MSRB3: variants seen among roughly 807,000 people sequenced by gnomAD.
MSRB3 encodes methionine sulfoxide reductase B3.
Under a neutral mutation model 21.0 loss-of-function variants are expected in MSRB3, and 13 were observed. The observed-to-expected ratio is 0.62, with a 90% CI of 0.40 to 0.98. The LOEUF (loss-of-function observed/expected upper bound fraction) is 0.98, where lower values mean the gene tolerates loss of function less well. Among genes scored for constraint, MSRB3 ranks in the 50% least tolerant of loss-of-function variants. The pLI, the probability that MSRB3 is intolerant of heterozygous loss-of-function variation, is 0.00. For missense variants in MSRB3, 199 were observed against 230.3 expected (o/e 0.86, Z 0.88); for synonymous variants, 87 against 88.6 (o/e 0.98, Z 0.10).
chr12:65,360,053 C>T (rs1028277688), intron 4 of MSRB3, among the ~76,000 whole-genome samples: 103 of 152,104 alleles, frequency 6.8e-4, no homozygotes, highest in African/African-American at 2.3e-3. Context: ...TATCTTCTCC[C>T]TGTGTCTTCC....
chr12:65,383,302 G>A (rs2136562744), intron 5 of MSRB3, among the ~76,000 whole-genome samples: 1 of 152,276 alleles, frequency 6.6e-6, no homozygotes, highest in Non-Finnish European at 1.5e-5. Flanking sequence ...TTAGTGCCTA[G>A]CAGAAATAAC....
At chr12:65,454,627 G>A (rs1005063827) in intron 6 of MSRB3, among the ~76,000 whole-genome samples, 2 of 152,220 alleles carry the variant, frequency 1.3e-5, no homozygotes, top group Admixed American at 1.3e-4. Flanking sequence ...GCTGTAGGAA[G>A]TGAAAGTTCA....
At chr12:65,385,206 G>T (rs1340842255) in intron 5 of MSRB3, among the ~76,000 whole-genome samples, 1 of 152,092 alleles carries the variant, frequency 6.6e-6, no homozygotes, top group Admixed American at 6.5e-5. Context: ...TTTGGTGGGA[G>T]AAGGAGGAGG....
chr12:65,356,515 A>G (rs1877393978), intron 4 of MSRB3, among the ~76,000 whole-genome samples: 2 of 151,890 alleles, frequency 1.3e-5, no homozygotes, highest in Non-Finnish European at 2.9e-5. Context: ...ATTTGGTTAC[A>G]TGAGTAAGTT....
intron 4 of MSRB3, among the ~76,000 whole-genome samples, chr12:65,343,083 C>G (rs1876250130): frequency 6.6e-6 from 1 of 152,014 alleles, no homozygotes; most frequent in Admixed American, 6.6e-5. Context: ...AAACACTGAA[C>G]AATTTATTTT....
At chr12:65,350,446 A>G (rs913557614) in intron 4 of MSRB3, among the ~76,000 whole-genome samples, 5 of 151,666 alleles carry the variant, frequency 3.3e-5, no homozygotes, top group African/African-American at 9.8e-5. Context: ...GACAGGATCA[A>G]ATTCACACGT....
intron 5 of MSRB3, among the ~76,000 whole-genome samples, chr12:65,442,390 C>T (rs1203044722): frequency 6.6e-6 from 1 of 152,020 alleles, no homozygotes; most frequent in African/African-American, 2.4e-5. Flanking sequence ...CCAAATAATG[C>T]TTTGTAGTGA....
At chr12:65,343,778 G>T (rs1365912578) in intron 4 of MSRB3, among the ~76,000 whole-genome samples, 2 of 152,004 alleles carry the variant, frequency 1.3e-5, no homozygotes, top group Non-Finnish European at 2.9e-5. Flanking sequence ...ATGTTATAAT[G>T]CTTCCCTGTA....
chr12:65,299,532 A>C (rs968845452), intron 1 of MSRB3, among the ~76,000 whole-genome samples: 1 of 152,232 alleles, frequency 6.6e-6, no homozygotes, highest in Non-Finnish European at 1.5e-5. Context: ...AAGATCATAC[A>C]TGACATTGAG....
intron 4 of MSRB3, among the ~76,000 whole-genome samples, chr12:65,333,431 A>T (rs1466371449): frequency 6.6e-6 from 1 of 152,230 alleles, no homozygotes; most frequent in Non-Finnish European, 1.5e-5. Flanking sequence ...TCCCAGGTGG[A>T]GGATGCCTAG....
At chr12:65,386,455 A>G (rs1430370624) in intron 5 of MSRB3, among the ~76,000 whole-genome samples, 2 of 151,938 alleles carry the variant, frequency 1.3e-5, no homozygotes, top group Admixed American at 1.3e-4. Context: ...TTTTATAGGT[A>G]TGCTTTAAAT....
At chr12:65,462,918 C>T (rs528215823) in intron 6 of MSRB3, among the ~76,000 whole-genome samples, 8 of 152,314 alleles carry the variant, frequency 5.3e-5, no homozygotes, top group East Asian at 1.9e-4. Context: ...TCAAAAAATA[C>T]GTGGCTCCTA....
At chr12:65,323,272 C>T (rs574641669) in intron 2 of MSRB3, among the ~76,000 whole-genome samples, 24 of 152,232 alleles carry the variant, frequency 1.6e-4, no homozygotes, top group Admixed American at 1.2e-3. Flanking sequence ...ACTGGGGCTT[C>T]GAAACAATAC....
intron 1 of MSRB3, among the ~76,000 whole-genome samples, chr12:65,301,139 G>A (rs1473398518): frequency 1.3e-5 from 2 of 151,982 alleles, no homozygotes; most frequent in African/African-American, 4.8e-5. Context: ...CAGTACAGGT[G>A]CTCAAAAATG....
intron 5 of MSRB3, 58 bp downstream of exon 5, chr12:65,369,084 G>T: frequency 8.0e-7 from 1 of 1,243,328 alleles, no homozygotes. Context: ...ATTCTCTGAG[G>T]AGTAAATCAT....
intron 5 of MSRB3, among the ~76,000 whole-genome samples, chr12:65,451,779 CTCTT>C (rs1882869390): frequency 6.6e-6 from 1 of 152,222 alleles, no homozygotes; most frequent in African/African-American, 2.4e-5. Context: ...TTTATTCTCT[CTCTT>C]TCTTGTGGAA....
intron 1 of MSRB3, chr12:65,279,118 C>A: frequency 7.4e-7 from 1 of 1,360,348 alleles, no homozygotes. Flanking sequence ...CGTCTGGCAG[C>A]CTCACTGACA....
Position 65,289,182 on chromosome 12 carries a change from G to T in MSRB3, c.-52+10317G>T, listed in dbSNP as rs1872548407. The stretch of plus-strand genomic sequence containing the variant: ...TCTCTATATCATATTGTTCAGTTTT[G>T]CATATGTTAGAACATTATATAAATG... On this transcript the variant is annotated intron_variant, in intron 1 of 6. Coordinates refer to ENST00000308259, the MANE Select transcript of MSRB3 (RefSeq NM_001031679.3). 2.6e-5 allele frequency among the ~76,000 whole-genome samples: 4 copies of T among 152,222 alleles called. No individual in the cohort carries two copies. The South Asian group carries it at 8.3e-4, about 32-fold the overall frequency.
chr12:65,344,020 G>A (rs539014606), intron 4 of MSRB3: 1 of 152,018 alleles, frequency 6.6e-6, no homozygotes, highest in South Asian at 2.1e-4. Flanking sequence ...TAATTTCCTC[G>A]TTTGTAACAT....
Sources: allele counts gnomAD v4.1 joint callset (sites outside exome capture counted in the v4.1 genomes callset), GRCh38; gene constraint gnomAD v4.1.1; transcripts MANE v1.5; gene names NCBI Gene and HGNC (gene_info 2026-07-23, HGNC 2026-07-21).